Variants in FOXP1 observed in about 807,000 individuals in gnomAD.
FOXP1 encodes the protein forkhead box P1.
A neutral mutation model predicts 98.2 loss-of-function variants in FOXP1; 15 were observed. That is an observed-to-expected ratio of 0.15 (90% confidence interval 0.10 to 0.24). The LOEUF (loss-of-function observed/expected upper bound fraction) is 0.24, where lower values mean the gene tolerates loss of function less well. Ranked by LOEUF, FOXP1 falls within the 10% of genes least tolerant of loss-of-function variation. FOXP1 has a pLI of 1.00. For missense variants in FOXP1, 633 were observed against 848.5 expected (o/e 0.75, Z 3.15); for synonymous variants, 371 against 314.5 (o/e 1.18, Z -1.90).
intron 2 of FOXP1, among the ~76,000 whole-genome samples, chr3:71,512,389 C>T (rs949895042): frequency 2.0e-5 from 3 of 152,198 alleles, no homozygotes; most frequent in African/African-American, 7.2e-5. Flanking sequence ...CATATCCCAC[C>T]TCTCTTGCAG....
intron 2 of FOXP1, among the ~76,000 whole-genome samples, chr3:71,511,311 C>T (rs2042187546): frequency 1.3e-5 from 2 of 152,078 alleles, no homozygotes; most frequent in Non-Finnish European, 2.9e-5. Flanking sequence ...AGGAACCAGA[C>T]CAGACACAAC....
intron 4 of FOXP1, among the ~76,000 whole-genome samples, chr3:71,300,584 G>T (rs138118442): frequency 3.3e-5 from 5 of 152,216 alleles, no homozygotes; most frequent in African/African-American, 4.8e-5. Context: ...GCATACTCCC[G>T]TATGCAAAAC....
At chr3:71,171,787 C>T (rs1159066114) in intron 6 of FOXP1, among the ~76,000 whole-genome samples, 1 of 152,194 alleles carries the variant, frequency 6.6e-6, no homozygotes, top group Non-Finnish European at 1.5e-5. Context: ...GGGCTGGGGT[C>T]TGGGCCAGGC....
At chr3:71,466,242 G>C (rs1159986835) in intron 3 of FOXP1, among the ~76,000 whole-genome samples, 2 of 152,110 alleles carry the variant, frequency 1.3e-5, no homozygotes, top group African/African-American at 4.8e-5. Flanking sequence ...CAACCTCTCT[G>C]CTTTCCTGGC....
chr3:71,312,269 A>C (rs954892915), intron 4 of FOXP1, among the ~76,000 whole-genome samples: 1 of 152,236 alleles, frequency 6.6e-6, no homozygotes, highest in Non-Finnish European at 1.5e-5. Context: ...ACTTCAGCGA[A>C]AGAAAGGTAA....
At chr3:70,972,125 T>C in intron 18 of FOXP1, 1 of 1,534,090 alleles carries the variant, frequency 6.5e-7, no homozygotes, top group South Asian at 1.2e-5. Context: ...GGACCCAAAC[T>C]CATCCTCTAC....
intron 14 of FOXP1, among the ~76,000 whole-genome samples, chr3:70,985,075 A>C (rs1340889630): frequency 3.3e-5 from 5 of 152,236 alleles, no homozygotes; most frequent in Admixed American, 3.3e-4. Flanking sequence ...GTGACTAAGA[A>C]TTTTAAAATA....
chr3:71,278,369 G>A (rs1293164552), intron 5 of FOXP1, among the ~76,000 whole-genome samples: 1 of 152,218 alleles, frequency 6.6e-6, no homozygotes, highest in Non-Finnish European at 1.5e-5. Context: ...GCACTGGACA[G>A]TAGGCTACAA....
chr3:71,144,238 C>T (rs780168292), intron 6 of FOXP1, among the ~76,000 whole-genome samples: 7 of 152,144 alleles, frequency 4.6e-5, no homozygotes, highest in Non-Finnish European at 8.8e-5. Context: ...AGTCCACCTC[C>T]GGAGCAGAGA....
intron 2 of FOXP1, among the ~76,000 whole-genome samples, chr3:71,502,305 G>A (rs2041453728): frequency 6.6e-6 from 1 of 152,224 alleles, no homozygotes; most frequent in East Asian, 1.9e-4. Context: ...CAGCTCCCTG[G>A]AAGGACGGTC....
At chr3:71,090,489 G>A (rs554585026) in intron 7 of FOXP1, among the ~76,000 whole-genome samples, 50 of 152,272 alleles carry the variant, frequency 3.3e-4, no homozygotes, top group African/African-American at 1.0e-3. Context: ...GGAGAAGCAA[G>A]TCAACTCTAA....
At chr3:71,132,343 C>G (rs2059614449) in intron 6 of FOXP1, among the ~76,000 whole-genome samples, 1 of 152,158 alleles carries the variant, frequency 6.6e-6, no homozygotes, top group African/African-American at 2.4e-5. Flanking sequence ...TTCTGTCCTA[C>G]AGATATGTAA....
At chr3:71,232,160 T>C (rs1270883480) in intron 5 of FOXP1, among the ~76,000 whole-genome samples, 2 of 152,220 alleles carry the variant, frequency 1.3e-5, no homozygotes, top group Non-Finnish European at 2.9e-5. Context: ...AAGAATCTGA[T>C]AGTATCAAAA....
intron 6 of FOXP1, among the ~76,000 whole-genome samples, chr3:71,179,047 T>G: frequency 6.6e-6 from 1 of 150,706 alleles, no homozygotes; most frequent in African/African-American, 2.4e-5. Context: ...ATGTTCAGGA[T>G]TTTCAATAAA....
intron 5 of FOXP1, among the ~76,000 whole-genome samples, chr3:71,278,887 C>A (rs1372320150): frequency 6.6e-6 from 1 of 152,014 alleles, no homozygotes; most frequent in African/African-American, 2.4e-5. Flanking sequence ...ATCTTTGTTA[C>A]TCTTGATAGA....
chr3:71,296,866 T>C (rs563359766), intron 5 of FOXP1, among the ~76,000 whole-genome samples: 1 of 152,244 alleles, frequency 6.6e-6, no homozygotes, highest in Admixed American at 6.5e-5. Context: ...AGAGCCTGGC[T>C]CCCCTTCCCT....
At chr3:71,015,495 CG>C in intron 12 of FOXP1, 53 bp downstream of exon 12, 1 of 1,217,612 alleles carries the variant, frequency 8.2e-7, no homozygotes, top group African/African-American at 1.5e-5. Flanking sequence ...AAAGCATGAA[CG>C]GTGGGAGGTG....
At chr3:71,378,205 C>CTCT (rs71120320) in intron 3 of FOXP1, among the ~76,000 whole-genome samples, 143,176 of 151,920 alleles carry the variant, frequency 0.94, 68,062 homozygotes, top group South Asian at 1. Flanking sequence ...TCGCTAGCTT[C>CTCT]TCTTCCTTTT....
At chr3:71,523,674 G>C (rs2043155170) in intron 2 of FOXP1, among the ~76,000 whole-genome samples, 1 of 151,786 alleles carries the variant, frequency 6.6e-6, no homozygotes, top group Non-Finnish European at 1.5e-5. Context: ...TTTTTTTCTA[G>C]CTGTACTTTT....
Sources: allele counts gnomAD v4.1 joint callset (sites outside exome capture counted in the v4.1 genomes callset), GRCh38; gene constraint gnomAD v4.1.1; transcripts MANE v1.5; gene names NCBI Gene and HGNC (gene_info 2026-07-23, HGNC 2026-07-21).